The following FBLN7 variants were observed in gnomAD, a reference collection of about 807,000 sequenced individuals.
FBLN7 encodes the protein fibulin 7.
In FBLN7, 31 loss-of-function variants were observed where a neutral mutation model predicts 44.0. The observed-to-expected ratio is 0.70, with a 90% CI of 0.53 to 0.95. The LOEUF is 0.95. Among genes scored for constraint, FBLN7 ranks in the 40% least tolerant of loss-of-function variants. The probability of loss-of-function intolerance (pLI) is 0.00; values close to 1 mark genes in which losing one functional copy is unlikely to be tolerated. For synonymous variants in FBLN7, 262 were observed against 253.4 expected (o/e 1.03, Z -0.32); for missense variants, 573 against 618.5 (o/e 0.93, Z 0.78).
chr2:112,149,514 G>A (rs534557951), intron 1 of FBLN7, among the ~76,000 whole-genome samples: 14 of 152,220 alleles, frequency 9.2e-5, no homozygotes, highest in Non-Finnish European at 1.8e-4. Flanking sequence ...CTCAGCCAGC[G>A]GTGCCAGGAT....
chr2:112,183,168 A>T (rs1683087640), intron 6 of FBLN7, among the ~76,000 whole-genome samples: 1 of 152,154 alleles, frequency 6.6e-6, no homozygotes, highest in African/African-American at 2.4e-5. Context: ...TATTTGAGTA[A>T]ATGGGTTTTT....
chr2:112,151,407 C>T (rs544700876), intron 1 of FBLN7: 1 of 152,216 alleles, frequency 6.6e-6, no homozygotes, highest in South Asian at 2.1e-4. Context: ...CTCTCCTGTA[C>T]CACGGCAGTC....
At chr2:112,160,799 C>CACAA (rs1491452697) in intron 2 of FBLN7, among the ~76,000 whole-genome samples, 2 of 128,214 alleles carry the variant, frequency 1.6e-5, no homozygotes, top group Non-Finnish European at 3.6e-5. Context: ...CACGCACACA[C>CACAA]GCACGCACAC....
In FBLN7 at chr2:112,184,070, A is replaced by G. The variant is rs570962627; in HGVS notation, c.809-1131A>G. Among the ~76,000 whole-genome samples the G allele has an allele frequency of 4.6e-5, 7 of 152,274 alleles. No individual in the cohort carries two copies. In the South Asian group the frequency reaches 1.5e-3, roughly 32 times the overall value. Reference sequence around the variant, plus strand: ...AGCACACATCTCAGGCCTGAAGCCCAAGTGGGATCATCCTGACCCTTGGCC... The same window carrying G: ...AGCACACATCTCAGGCCTGAAGCCCGAGTGGGATCATCCTGACCCTTGGCC... On this transcript the variant is annotated intron_variant, in intron 6 of 7. Coordinates refer to ENST00000331203, the MANE Select transcript of FBLN7 (RefSeq NM_153214.3).
chr2:112,160,751 C>T (rs1452970008), intron 2 of FBLN7, among the ~76,000 whole-genome samples: 4 of 38,410 alleles, frequency 1.0e-4, no homozygotes, highest in African/African-American at 4.4e-4. Flanking sequence ...CACACGCGCA[C>T]GCACACACGC....
chr2:112,185,081 A>G, intron 6 of FBLN7, 120 bp from the exon 7 acceptor site: 1 of 1,346,734 alleles, frequency 7.4e-7, no homozygotes, highest in Non-Finnish European at 1.0e-6. Flanking sequence ...CTGCTTTAAG[A>G]ATAAGTGCCA....
At position 112,187,657 on chromosome 2, in the gene FBLN7, C is replaced by T. The variant is rs1683339892; in HGVS notation, c.*151C>T. Reference sequence around the variant, plus strand: ...TCTAGGGCAGCGTTGCACGGCGCCCCATGGAATAGCACGGAAGAGCAGCCA... The same window carrying T: ...TCTAGGGCAGCGTTGCACGGCGCCCTATGGAATAGCACGGAAGAGCAGCCA... On this transcript the variant is annotated 3_prime_UTR_variant, in exon 8 of 8. Coordinates refer to ENST00000331203, the MANE Select transcript of FBLN7 (RefSeq NM_153214.3). The surrounding 1 kb of genome is among the most constrained non-coding windows in gnomAD (Gnocchi z 5.1). 3.9e-6 allele frequency: 4 copies of T among 1,029,000 alleles called. No individual in the cohort carries two copies. The highest frequency in any genetic ancestry group is 4.8e-5 in the East Asian group (2 of 41,422). 63.7% of individuals were successfully genotyped at this position (1,029,000 alleles called of 1,614,324 possible).
intron 1 of FBLN7, among the ~76,000 whole-genome samples, chr2:112,155,873 A>G (rs906791455): frequency 1.3e-5 from 2 of 152,146 alleles, no homozygotes; most frequent in African/African-American, 4.8e-5. Flanking sequence ...TACTTCCTGG[A>G]GCCCCAGGCC....
At chr2:112,172,770 C>G (rs1175707363) in intron 3 of FBLN7, among the ~76,000 whole-genome samples, 1 of 151,494 alleles carries the variant, frequency 6.6e-6, no homozygotes, top group Non-Finnish European at 1.5e-5. Flanking sequence ...GTAGCTGGAA[C>G]TACAGGTGCC....
chr2:112,159,178 TTAACTC>T (rs1312517767), intron 1 of FBLN7, among the ~76,000 whole-genome samples: 24 of 146,536 alleles, frequency 1.6e-4, no homozygotes, highest in Admixed American at 5.5e-4. Flanking sequence ...GAATGCCTCT[TTAACTC>T]TAGTGAGTTT....
At chr2:112,196,553 G>A in the FBLN7 span, among the ~76,000 whole-genome samples, 2 of 151,888 alleles carry the variant, frequency 1.3e-5, no homozygotes, top group East Asian at 1.9e-4. Flanking sequence ...TTACAGGAGT[G>A]AGCCACAGTG....
chr2:112,235,252 A>C, the FBLN7 span, among the ~76,000 whole-genome samples: 1 of 152,204 alleles, frequency 6.6e-6, no homozygotes, highest in African/African-American at 2.4e-5. Flanking sequence ...AGCACCATCA[A>C]ATTTATGTCT....
At chr2:112,189,809 T>C (rs1213352861), downstream of FBLN7, 1 of 152,184 alleles carries the variant, frequency 6.6e-6, no homozygotes, top group African/African-American at 2.4e-5. Flanking sequence ...TCTATAAATA[T>C]TTTAGAATGT....
chr2:112,229,067 A>AAAT, the FBLN7 span, among the ~76,000 whole-genome samples: 3 of 152,202 alleles, frequency 2.0e-5, no homozygotes, highest in East Asian at 5.8e-4. Flanking sequence ...TACGGTAATT[A>AAAT]AGATAGTATA....
chr2:112,160,148 G>T (rs576688549), intron 2 of FBLN7, among the ~76,000 whole-genome samples: 1 of 151,690 alleles, frequency 6.6e-6, no homozygotes, highest in Non-Finnish European at 1.5e-5. Flanking sequence ...CCGCCACCAC[G>T]CCCGGCTAAT....
the FBLN7 span, among the ~76,000 whole-genome samples, chr2:112,194,448 C>T: frequency 6.6e-6 from 1 of 152,138 alleles, no homozygotes; most frequent in African/African-American, 2.4e-5. Flanking sequence ...ACCTCTGAGC[C>T]AGGTGGCCTC....
chr2:112,169,965 G>T (rs1682364935), intron 3 of FBLN7, among the ~76,000 whole-genome samples: 1 of 152,228 alleles, frequency 6.6e-6, no homozygotes, highest in African/African-American at 2.4e-5. Context: ...AAGGGGCCAG[G>T]CGCGGTGGTT....
chr2:112,208,741 C>T, the FBLN7 span, among the ~76,000 whole-genome samples: 1 of 152,120 alleles, frequency 6.6e-6, no homozygotes, highest in Non-Finnish European at 1.5e-5. Flanking sequence ...TTAATATTAT[C>T]TACATGCTGA....
the FBLN7 span, among the ~76,000 whole-genome samples, chr2:112,244,058 G>A: frequency 7.2e-6 from 1 of 138,392 alleles, no homozygotes; most frequent in Non-Finnish European, 1.6e-5. Context: ...TCATATAAAA[G>A]GATATGAATA....
Sources: allele counts gnomAD v4.1 joint callset (sites outside exome capture counted in the v4.1 genomes callset), GRCh38; gene constraint gnomAD v4.1.1; non-coding constraint Gnocchi (gnomAD v3.1); transcripts MANE v1.5; gene names NCBI Gene and HGNC (gene_info 2026-07-23, HGNC 2026-07-21).